Variants in SPATA16 observed in about 807,000 individuals in gnomAD.
The protein encoded by SPATA16 is spermatogenesis associated 16.
SPATA16 carries 36 observed loss-of-function variants against 63.3 expected under a neutral mutation model. That is an observed-to-expected ratio of 0.57 (90% confidence interval 0.44 to 0.75). The LOEUF is 0.75. SPATA16 is among the 30% of genes least tolerant of loss of function. SPATA16 has a pLI of 0.00. For missense variants in SPATA16, 646 were observed against 679.3 expected, an observed-to-expected ratio of 0.95 and a Z score of 0.54; for synonymous variants, 203 against 216.7, an observed-to-expected ratio of 0.94 and a Z score of 0.56.
intron 1 of SPATA16, among the ~76,000 whole-genome samples, chr3:173,129,034 C>T (rs57192452): frequency 2.0e-5 from 3 of 152,236 alleles, no homozygotes; most frequent in Admixed American, 6.5e-5. Context: ...AATGGCTACT[C>T]TCTTGAAAAA....
chr3:173,074,055 C>T (rs1050214031), intron 2 of SPATA16, among the ~76,000 whole-genome samples: 1 of 152,170 alleles, frequency 6.6e-6, no homozygotes, highest in Non-Finnish European at 1.5e-5. Context: ...GTCTTTAGCC[C>T]CATTGTTTTG....
intron 2 of SPATA16, among the ~76,000 whole-genome samples, chr3:173,064,556 C>T (rs190232111): frequency 8.2e-4 from 125 of 152,240 alleles, no homozygotes; most frequent in Middle Eastern, 3.4e-3. Flanking sequence ...CACACATCTG[C>T]AGGTTGGACT....
intron 1 of SPATA16, among the ~76,000 whole-genome samples, chr3:173,119,762 T>C (rs1003408112): frequency 6.4e-5 from 8 of 125,902 alleles, no homozygotes; most frequent in African/African-American, 2.0e-4. Context: ...CCTGTTTCCT[T>C]TTCCTCTCTT....
intron 4 of SPATA16, among the ~76,000 whole-genome samples, chr3:173,001,265 G>GTTGTTTCTTTTT: frequency 7.5e-6 from 1 of 133,980 alleles, no homozygotes; most frequent in East Asian, 2.1e-4. Flanking sequence ...ATGCTTCTCA[G>GTTGTTTCTTTTT]TTGTTTTTTT....
At chr3:172,980,396 A>G (rs193049043) in intron 4 of SPATA16, among the ~76,000 whole-genome samples, 67 of 152,264 alleles carry the variant, frequency 4.4e-4, no homozygotes, top group Admixed American at 2.4e-3. Flanking sequence ...ATGTGATTCA[A>G]TGTTGCTTCC....
chr3:172,972,924 C>T (rs1254677024), intron 5 of SPATA16, among the ~76,000 whole-genome samples: 1 of 152,132 alleles, frequency 6.6e-6, no homozygotes, highest in Non-Finnish European at 1.5e-5. Context: ...ACCTCATTTA[C>T]TTGAGGACAA....
chr3:172,990,633 T>C (rs1377682639), intron 4 of SPATA16, among the ~76,000 whole-genome samples: 1 of 152,170 alleles, frequency 6.6e-6, no homozygotes, highest in Non-Finnish European at 1.5e-5. Flanking sequence ...TGAAGGGCAC[T>C]CTGGCTGATG....
At chr3:173,018,239 C>A (rs1183184659) in intron 4 of SPATA16, among the ~76,000 whole-genome samples, 1 of 151,084 alleles carries the variant, frequency 6.6e-6, no homozygotes, top group Non-Finnish European at 1.5e-5. Flanking sequence ...GAACATCTTA[C>A]AAACATGGAA....
At position 172,925,583 on chromosome 3, in the gene SPATA16, G is replaced by GA. The variant is rs1732712345; in HGVS notation, c.1082-92dup. ...CCCCAGATTTCAGGAATTGTACTTG[G>GA]AAAAAATAATAACTATAAATGTGAA... On this transcript the variant is annotated intron_variant, in intron 6 of 10. Coordinates refer to ENST00000351008, the MANE Select transcript of SPATA16 (RefSeq NM_031955.6). 6.0e-6 allele frequency: 9 copies of GA among 1,495,390 alleles called. No homozygotes were observed. In the South Asian group the frequency reaches 6.9e-5, roughly 12 times the overall value. The allele number at this position is 1,495,390 out of a possible 1,614,324, so 92.6% of individuals were successfully genotyped here. A position where few individuals can be genotyped will look rare whatever the true frequency, so the allele number is the denominator to read the frequency against.
At chr3:172,901,963 C>T (rs934479792) in intron 10 of SPATA16, among the ~76,000 whole-genome samples, 7 of 152,198 alleles carry the variant, frequency 4.6e-5, no homozygotes, top group Admixed American at 2.0e-4. Context: ...TTACTTCCTA[C>T]TGGGGATAAA....
intron 2 of SPATA16, among the ~76,000 whole-genome samples, chr3:173,080,703 G>C (rs1297356027): frequency 6.6e-6 from 1 of 152,072 alleles, no homozygotes; most frequent in Non-Finnish European, 1.5e-5. Context: ...AAGTGGATAG[G>C]GCACCATTAG....
At chr3:173,130,740 A>G (rs1738359742) in intron 1 of SPATA16, among the ~76,000 whole-genome samples, 1 of 152,244 alleles carries the variant, frequency 6.6e-6, no homozygotes, top group Non-Finnish European at 1.5e-5. Context: ...TCTTGCTTTG[A>G]CATTATACTA....
At chr3:172,945,812 G>A (rs1489867435) in intron 6 of SPATA16, among the ~76,000 whole-genome samples, 1 of 152,158 alleles carries the variant, frequency 6.6e-6, no homozygotes, top group Admixed American at 6.5e-5. Flanking sequence ...GGTAGTCTAG[G>A]CTACAAGGAC....
At chr3:173,123,113 A>G (rs554339427) in intron 1 of SPATA16, among the ~76,000 whole-genome samples, 1 of 152,350 alleles carries the variant, frequency 6.6e-6, no homozygotes, top group East Asian at 1.9e-4. Context: ...ATTAGAAGGT[A>G]GAGGGAAATT....
intron 4 of SPATA16, among the ~76,000 whole-genome samples, chr3:173,003,276 A>G (rs1020815860): frequency 3.3e-5 from 5 of 152,188 alleles, no homozygotes; most frequent in African/African-American, 9.6e-5. Context: ...TGATTGTCTA[A>G]TAAATGTACT....
At chr3:173,068,192 A>T (rs1439722499) in intron 2 of SPATA16, among the ~76,000 whole-genome samples, 1 of 152,230 alleles carries the variant, frequency 6.6e-6, no homozygotes, top group Non-Finnish European at 1.5e-5. Flanking sequence ...AAACAAACAG[A>T]ATACTCTAAC....
chr3:173,117,093 C>T (rs1025736970), intron 2 of SPATA16, 27 bp downstream of exon 2: 3 of 1,606,648 alleles, frequency 1.9e-6, no homozygotes, highest in Admixed American at 1.7e-5. Context: ...TTCCTGTCAC[C>T]AATCTATATT....
chr3:172,894,275 A>G (rs1328374241), intron 10 of SPATA16, among the ~76,000 whole-genome samples: 1 of 152,156 alleles, frequency 6.6e-6, no homozygotes, highest in Non-Finnish European at 1.5e-5. Context: ...CTTGAAATTA[A>G]TTTCTAAAAT....
At chr3:173,008,421 A>G (rs1488692214) in intron 4 of SPATA16, among the ~76,000 whole-genome samples, 1 of 152,046 alleles carries the variant, frequency 6.6e-6, no homozygotes, top group Non-Finnish European at 1.5e-5. Context: ...AGATTGTGCT[A>G]GGCGCTCACT....
Sources: allele counts gnomAD v4.1 joint callset (sites outside exome capture counted in the v4.1 genomes callset), GRCh38; gene constraint gnomAD v4.1.1; transcripts MANE v1.5; gene names NCBI Gene and HGNC (gene_info 2026-07-23, HGNC 2026-07-21).